Variants in AARSD1 observed in about 807,000 individuals in gnomAD.
AARSD1 encodes alanyl-tRNA editing protein Aarsd1.
A neutral mutation model predicts 48.7 loss-of-function variants in AARSD1; 44 were observed. The ratio of observed to expected loss-of-function variants is 0.90; its 90% CI spans 0.71 to 1.16. The LOEUF (loss-of-function observed/expected upper bound fraction) is 1.16, where lower values mean the gene tolerates loss of function less well. AARSD1 is among the 50% of genes most tolerant of loss of function. AARSD1 has a pLI of 0.00. For missense variants in AARSD1, 511 were observed against 523.1 expected, an observed-to-expected ratio of 0.98 and a Z score of 0.23; for synonymous variants, 189 against 194.9, an observed-to-expected ratio of 0.97 and a Z score of 0.25.
At chr17:42,956,966 CTTT>C (rs55786826) in intron 4 of AARSD1, among the ~76,000 whole-genome samples, 169 bp downstream of exon 4, 3 of 118,604 alleles carry the variant, frequency 2.5e-5, no homozygotes, top group African/African-American at 3.3e-5. Flanking sequence ...TGCGCCTGGC[CTTT>C]TTTTTTTTTT....
intron 3 of AARSD1, among the ~76,000 whole-genome samples, chr17:42,958,041 T>C (rs1312725298): frequency 6.6e-6 from 1 of 152,056 alleles, no homozygotes; most frequent in Non-Finnish European, 1.5e-5. Context: ...AAGGCCAGGA[T>C]GCAGCCAGCA....
chr17:42,964,322 C>G, intron 1 of AARSD1, 80 bp downstream of exon 1: 1 of 1,597,714 alleles, frequency 6.3e-7, no homozygotes, highest in South Asian at 1.1e-5. Context: ...GCCATGTTGG[C>G]ACTCCCTACA....
intron 11 of AARSD1, among the ~76,000 whole-genome samples, chr17:42,951,277 G>C (rs1409676947): frequency 1.3e-5 from 2 of 151,686 alleles, no homozygotes; most frequent in Non-Finnish European, 2.9e-5. Flanking sequence ...AATCTCCAGA[G>C]AGCAGGGTGA....
chr17:42,964,193 A>G lies in AARSD1; in HGVS notation c.84T>C (p.Thr28=). Residue 28 remains threonine, a synonymous_variant, in exon 2 of 12, where the codon ACT becomes ACC. Transcript: ENST00000427569. ...VVSCCPAELQ[T]EGSNGKKEVL... The stretch of plus-strand genomic sequence containing the variant: ...CTTCTTTCTTGCCGTTGCTCCCTTC[A>G]GTCTGCAGCTCCGCGGGACAGCAGG... 1 of 1,614,214 alleles carries G rather than the reference A, an allele frequency of 6.2e-7. No homozygotes were observed. Among genetic ancestry groups the G allele is most frequent in the South Asian group, 1.1e-5 (1 of 91,082 alleles).
rs187180456 is a variant in AARSD1 at position 42,960,683 on chromosome 17, T to C, written c.331+509A>G. Reference sequence around the variant, plus strand: ...GTTGCAGTGAGCCGAGATCGCACCATTGCACTCCAGCCTGGGTGACAGAGC... The same window carrying C: ...GTTGCAGTGAGCCGAGATCGCACCACTGCACTCCAGCCTGGGTGACAGAGC... On this transcript the variant is annotated intron_variant, in intron 3 of 11. Transcript: ENST00000427569. 1.3e-4 allele frequency among the ~76,000 whole-genome samples: 20 copies of C among 149,618 alleles called. No homozygotes were observed. The East Asian group carries it at 1.8e-3, about 13-fold the overall frequency.
At chr17:42,963,137 A>T (rs1169526265) in intron 2 of AARSD1, among the ~76,000 whole-genome samples, 1 of 150,502 alleles carries the variant, frequency 6.6e-6, no homozygotes, top group Non-Finnish European at 1.5e-5. Context: ...GCTGAAGTGC[A>T]GTGGCACAAT....
intron 2 of AARSD1, among the ~76,000 whole-genome samples, chr17:42,962,775 T>C (rs192066744): frequency 6.2e-4 from 95 of 152,344 alleles, no homozygotes; most frequent in African/African-American, 1.9e-3. Flanking sequence ...CTCACACCTG[T>C]AGGCCCAGCC....
At position 42,955,455 on chromosome 17, in the gene AARSD1, T is replaced by C. The variant is rs903241498; in HGVS notation, c.795-231A>G. The C allele has an allele frequency of 1.1e-5, 6 of 524,922 alleles. No individual in the cohort carries two copies. In the Admixed American group the frequency reaches 2.1e-4, roughly 18 times the overall value. The allele number at this position is 524,922 out of a possible 1,614,324, so 32.5% of individuals were successfully genotyped here. A position where few individuals can be genotyped will look rare whatever the true frequency, so the allele number is the denominator to read the frequency against. ...CTTGATCTTTTTTTTTTTTTTTTTTTTGAGACAGAGTCTTGCTCTATCGCC... is the reference window on the plus strand; with the variant it reads ...CTTGATCTTTTTTTTTTTTTTTTTTCTGAGACAGAGTCTTGCTCTATCGCC... On this transcript the variant is annotated intron_variant, in intron 7 of 11. Transcript: ENST00000427569.
intron 3 of AARSD1, among the ~76,000 whole-genome samples, chr17:42,959,456 C>T (rs1240351448): frequency 6.6e-6 from 1 of 151,226 alleles, no homozygotes; most frequent in African/African-American, 2.4e-5. Context: ...CCTCAAATGC[C>T]TGACCTCATG....
At chr17:42,957,354 A>G (rs954056994) in intron 3 of AARSD1, 159 bp from the exon 4 acceptor site, 3 of 869,658 alleles carry the variant, frequency 3.4e-6, no homozygotes, top group African/African-American at 1.7e-5. Context: ...GAAAATCACA[A>G]TGAGAATTCT....
In AARSD1 at chr17:42,956,869, G is replaced by A. The variant is rs374229802; in HGVS notation, c.389+269C>T. On this transcript the variant is annotated intron_variant, in intron 4 of 11. Transcript: ENST00000427569. ...TTTTTAGTAGAGACGGGGTTTCACCGTGTTAGCCAGGATGGTCTCGATCTC... is the reference window on the plus strand; with the variant it reads ...TTTTTAGTAGAGACGGGGTTTCACCATGTTAGCCAGGATGGTCTCGATCTC... Among the ~76,000 whole-genome samples the A allele has an allele frequency of 2.2e-4, 32 of 147,156 alleles. 1 individual carries two copies. The East Asian group carries it at 4.8e-3, about 22-fold the overall frequency.
intron 2 of AARSD1, 34 bp from the exon 3 acceptor site, chr17:42,961,385 G>A: frequency 6.2e-7 from 1 of 1,613,194 alleles, no homozygotes. Flanking sequence ...TCAATGGCAA[G>A]GCAGGGCTCA....
chr17:42,963,023 TTAAAAA>T (rs1481751655), intron 2 of AARSD1, among the ~76,000 whole-genome samples: 1 of 151,712 alleles, frequency 6.6e-6, no homozygotes, highest in Non-Finnish European at 1.5e-5. Flanking sequence ...ATCCTGTCTC[TTAAAAA>T]TAAAAAAGAA....
In AARSD1 at chr17:42,953,793, A is replaced by C. The variant is rs1205338328; in HGVS notation, c.954-15T>G. On this transcript the variant is annotated splice_polypyrimidine_tract_variant and intron_variant, in intron 9 of 11. Transcript: ENST00000427569. ...CACCCTCCTTCCTACAACAAAGGAC[A>C]CAGACATGAGACCCAGGTTGGAGTG... 2.5e-6 allele frequency: 4 copies of C among 1,613,990 alleles called. No homozygotes were observed. The highest frequency in any genetic ancestry group is 3.4e-6 in the Non-Finnish European group (4 of 1,179,982).
intron 3 of AARSD1, among the ~76,000 whole-genome samples, chr17:42,960,411 G>A (rs1221777483): frequency 6.6e-6 from 1 of 152,072 alleles, no homozygotes; most frequent in African/African-American, 2.4e-5. Flanking sequence ...CAGTGACTGT[G>A]GAAAGAAGTG....
intron 10 of AARSD1, among the ~76,000 whole-genome samples, chr17:42,952,522 T>C (rs902825041): frequency 6.6e-6 from 1 of 152,030 alleles, no homozygotes; most frequent in Non-Finnish European, 1.5e-5. Context: ...ACAAAAGAGA[T>C]AGTGGGGCAT....
chr17:42,951,916 T>A (rs764662741), intron 10 of AARSD1, 22 bp from the exon 11 acceptor site: 28 of 1,611,120 alleles, frequency 1.7e-5, no homozygotes, highest in Non-Finnish European at 2.2e-5. Flanking sequence ...GACAAGGAGA[T>A]AAGCTCTGAT....
At chr17:42,960,839 G>T in intron 3 of AARSD1, 1 of 191,626 alleles carries the variant, frequency 5.2e-6, no homozygotes, top group Non-Finnish European at 1.1e-5. Context: ...GCATGCTGAT[G>T]CCCTGCGATG....
chr17:42,951,100 G>A (rs779845933), intron 11 of AARSD1, among the ~76,000 whole-genome samples: 1 of 152,220 alleles, frequency 6.6e-6, no homozygotes, highest in Non-Finnish European at 1.5e-5. Flanking sequence ...AGAGGTTGCA[G>A]TGAGCCGAGA....
Sources: allele counts gnomAD v4.1 joint callset (sites outside exome capture counted in the v4.1 genomes callset), GRCh38; gene constraint gnomAD v4.1.1; transcripts MANE v1.5; gene names NCBI Gene and HGNC (gene_info 2026-07-23, HGNC 2026-07-21).